The following BEST1 variants were observed in gnomAD, a reference collection of about 807,000 sequenced individuals.
BEST1 encodes the protein bestrophin-1.
Under a neutral mutation model 63.3 loss-of-function variants are expected in BEST1, and 58 were observed. The ratio of observed to expected loss-of-function variants is 0.92; its 90% CI spans 0.74 to 1.14. The LOEUF is 1.14. Among genes scored for constraint, BEST1 ranks in the 50% most tolerant of loss-of-function variants. The pLI is 0.00. For synonymous variants in BEST1, 283 were observed against 291.6 expected (o/e 0.97, Z 0.30); for missense variants, 671 against 740.1 (o/e 0.91, Z 1.08).
rs981040485 is a variant in BEST1 at position 61,960,383 on chromosome 11, CTTTTT to C, written c.1100+341_1100+345del. On this transcript the variant is annotated intron_variant, in intron 9 of 10. Transcript: ENST00000378043. The stretch of plus-strand genomic sequence containing the variant: ...GTCATCCAGAACTATGTTTTCTTTT[CTTTTT>C]GAGACAGTATCTCGCTCTGTCGCCC... The C allele has an allele frequency of 3.9e-5, 15 of 384,100 alleles. 1 individual carries two copies. Among genetic ancestry groups the C allele is most frequent in the Middle Eastern group, 1.6e-3 (2 of 1,250 alleles). The allele number at this position is 384,100 out of a possible 1,614,324, so 23.8% of individuals were successfully genotyped here. A position where few individuals can be genotyped will look rare whatever the true frequency, so the allele number is the denominator to read the frequency against.
At chr11:61,955,266 A>T in intron 3 of BEST1, 65 bp downstream of exon 3, 4 of 1,351,014 alleles carry the variant, frequency 3.0e-6, no homozygotes, top group Middle Eastern at 2.1e-4. Flanking sequence ...AGGCCAGGGG[A>T]GGATCACGAG....
At chr11:61,955,270 T>C in intron 3 of BEST1, 69 bp downstream of exon 3, 4 of 1,543,152 alleles carry the variant, frequency 2.6e-6, no homozygotes, top group African/African-American at 1.4e-5. Context: ...CAGGGGAGGA[T>C]CACGAGGAGC....
In BEST1 at chr11:61,951,839, T is replaced by C. The variant is rs281865531; in HGVS notation, c.33T>C (p.Asn11=). The C allele has an allele frequency of 7.4e-6, 12 of 1,613,454 alleles. No homozygotes were observed. The African/African-American group carries it at 1.3e-4, about 18-fold the overall frequency. The change falls in exon 2 of 11, where the codon AAT becomes AAC. Residue 11 remains asparagine, a synonymous_variant. Coordinates refer to ENST00000378043, the MANE Select transcript of BEST1 (RefSeq NM_004183.4). MTITYTSQVA[N]ARLGSFSRLL... ...TCACTTACACAAGCCAAGTGGCTAA[T>C]GCCCGCTTAGGCTCCTTCTCCCGCC...
chr11:61,952,060 C>T (rs1277020946), intron 2 of BEST1, 102 bp downstream of exon 2: 1 of 1,387,142 alleles, frequency 7.2e-7, no homozygotes, highest in Admixed American at 1.7e-5. Flanking sequence ...TGTACCAGTT[C>T]ACTACAAGAC....
chr11:61,958,241 C>T lies in BEST1; in HGVS notation c.810C>T (p.Asp270=), dbSNP rs771924494. The T allele has an allele frequency of 1.2e-6, 2 of 1,614,200 alleles. No homozygotes were observed. Among genetic ancestry groups the T allele is most frequent in the Non-Finnish European group, 1.7e-6 (2 of 1,180,032 alleles). Residue 270 remains aspartate, a synonymous_variant, in exon 7 of 11, where the codon GAC becomes GAT. Transcript: ENST00000378043. ...AGGCCTACCCTGGCCATGAGCTGGA[C>T]CTCGTTGTGCCCGTCTTCACGTTCC... ...PAKAYPGHEL[D]LVVPVFTFLQ...
intron 2 of BEST1, among the ~76,000 whole-genome samples, chr11:61,952,812 A>C (rs1363681721): frequency 1.3e-5 from 2 of 152,052 alleles, no homozygotes; most frequent in African/African-American, 4.8e-5. Flanking sequence ...TTTTTAATTA[A>C]AATGTTTATC....
chr11:61,955,357 T>C (rs1445985219), intron 3 of BEST1, 156 bp downstream of exon 3: 2 of 1,497,456 alleles, frequency 1.3e-6, no homozygotes, highest in Non-Finnish European at 1.8e-6. Context: ...AGGTGCGGAC[T>C]GCAGCCAGTG....
Position 61,962,830 on chromosome 11 carries a change from C to T in BEST1, c.1676C>T (p.Ser559Leu). 2 of 1,614,216 alleles carry T rather than the reference C, an allele frequency of 1.2e-6. No individual in the cohort carries two copies. Among genetic ancestry groups the T allele is most frequent in the Non-Finnish European group, 1.7e-6 (2 of 1,180,032 alleles). ...CACCTCAAAGAACCTTTGGAACAAT[C>T]ACCAACCAACATACACACTACACTC... ...ENHLKEPLEQ[S>L]PTNIHTTLKD... Residue 559 changes from serine (S) to leucine (L), a missense_variant, in exon 10 of 11, where the codon TCA (serine) becomes TTA (leucine). Ser to Leu is a moderately radical substitution (Grantham distance 145). Coordinates refer to ENST00000378043, the MANE Select transcript of BEST1 (RefSeq NM_004183.4).
At position 61,951,956 on chromosome 11, in the gene BEST1, T is replaced by C. The variant is rs763141918; in HGVS notation, c.150T>C (p.Tyr50=). Residue 50 remains tyrosine (Y), a splice_region_variant and synonymous_variant, in exon 2 of 11, where the codon TAT becomes TAC. Transcript: ENST00000378043. ...GCTACTACATCATCCGCTTTATTTA[T>C]AGGTAAAGCTGGCAGGGCTGGGCCG... ...LLCYYIIRFI[Y]RLALTEEQQL... is the part of the protein sequence containing the mutation. The C allele has an allele frequency of 9.9e-6, 16 of 1,613,416 alleles. No homozygotes were observed. The highest frequency in any genetic ancestry group is 7.7e-5 in the South Asian group (7 of 91,040).
intron 3 of BEST1, 196 bp from the exon 4 acceptor site, chr11:61,955,503 GCAGGGGGACCCCCGGGTGA>G: frequency 9.1e-7 from 1 of 1,103,200 alleles, no homozygotes; most frequent in Non-Finnish European, 1.3e-6. Context: ...TCTGGGACCA[GCAGGGGGACCCCCGGGTGA>G]CAGAACCCTT....
chr11:61,959,973 C>G lies in BEST1; in HGVS notation c.1030C>G (p.Gln344Glu). The G allele has an allele frequency of 6.2e-7, 1 of 1,612,692 alleles. No individual in the cohort carries two copies. Among genetic ancestry groups the G allele is most frequent in the Non-Finnish European group, 8.5e-7 (1 of 1,179,476 alleles). ...PDMYWNKPEP[Q>E]PPYTAASAQF... ...CATGTACTGGAATAAGCCCGAGCCA[C>G]AGCCCCCCTACACAGCTGCTTCCGC... Residue 344 changes from glutamine to glutamate, a missense_variant, in exon 9 of 11, where the codon CAG becomes GAG. Coordinates refer to ENST00000378043, the MANE Select transcript of BEST1 (RefSeq NM_004183.4).
At chr11:61,952,500 C>CCAT (rs1235161990) in intron 2 of BEST1, among the ~76,000 whole-genome samples, 6 of 138,882 alleles carry the variant, frequency 4.3e-5, no homozygotes, top group Admixed American at 1.5e-4. Flanking sequence ...GGGTTTCACT[C>CCAT]CATCACCCAG....
At chr11:61,951,672 T>A in intron 1 of BEST1, 99 bp from the exon 2 acceptor site, 1 of 1,251,862 alleles carries the variant, frequency 8.0e-7, no homozygotes, top group Non-Finnish European at 1.1e-6. Flanking sequence ...CTAGGGTCCC[T>A]ATGGGAGAGT....
At chr11:61,956,161 C>G (rs114450910) in intron 4 of BEST1, among the ~76,000 whole-genome samples, 1 of 151,992 alleles carries the variant, frequency 6.6e-6, no homozygotes, top group Non-Finnish European at 1.5e-5. Flanking sequence ...GCCCACCCTC[C>G]GAGAGTAGGA....
In BEST1 at chr11:61,959,623, G is replaced by A. The variant is rs919517030; in HGVS notation, c.948+45G>A. ...AACCATACCATGGACCTTCCCCAAAGTGGACCCAAAGAGAGGACCCCACTG... is the reference window on the plus strand; with the variant it reads ...AACCATACCATGGACCTTCCCCAAAATGGACCCAAAGAGAGGACCCCACTG... On this transcript the variant is annotated intron_variant, in intron 8 of 10. Coordinates refer to ENST00000378043, the MANE Select transcript of BEST1 (RefSeq NM_004183.4). The A allele has an allele frequency of 7.7e-5, 123 of 1,605,600 alleles. No individual in the cohort carries two copies. The East Asian group carries it at 2.7e-3, about 36-fold the overall frequency.
chr11:61,953,659 G>A (rs1334350916), intron 2 of BEST1, among the ~76,000 whole-genome samples: 2 of 152,108 alleles, frequency 1.3e-5, no homozygotes, highest in African/African-American at 2.4e-5. Flanking sequence ...GCAGTGAGCC[G>A]AGACCATGCC....
At position 61,955,089 on chromosome 11, in the gene BEST1, C is replaced by A. The variant is rs568192399; in HGVS notation, c.153-18C>A. 11 of 1,501,082 alleles carry A rather than the reference C, an allele frequency of 7.3e-6. No individual in the cohort carries two copies. The highest frequency in any genetic ancestry group is 1.7e-4 in the Middle Eastern group (1 of 5,854). 93.0% of individuals were successfully genotyped at this position (1,501,082 alleles called of 1,614,324 possible). ...CCTCGCTGCGTCCACACAATTCCAC[C>A]CCCACCCCCACCCCCAGGCTGGCCC... On this transcript the variant is annotated intron_variant, in intron 2 of 10. Transcript: ENST00000378043.
At chr11:61,951,696 A>AG (rs1940674487) in intron 1 of BEST1, 75 bp from the exon 2 acceptor site, 1 of 1,461,434 alleles carries the variant, frequency 6.8e-7, no homozygotes, top group African/African-American at 1.4e-5. Flanking sequence ...GGTCCAGAGC[A>AG]GGGAAGGGTC....
In BEST1 at chr11:61,964,268, T is replaced by C. The variant is rs902156678; in HGVS notation, c.*146T>C. 3.0e-5 allele frequency: 44 copies of C among 1,477,634 alleles called. No homozygotes were observed. In the Admixed American group the frequency reaches 9.6e-4, roughly 32 times the overall value. The allele number at this position is 1,477,634 out of a possible 1,614,324, so 91.5% of individuals were successfully genotyped here. ...TGAATCAAATGGTTAGCTTAATAGA[T>C]AAAAATCCCAGACTACTTCAGCCTT... On this transcript the variant is annotated 3_prime_UTR_variant, in exon 11 of 11. Coordinates refer to ENST00000378043, the MANE Select transcript of BEST1 (RefSeq NM_004183.4).
Sources: allele counts gnomAD v4.1 joint callset (sites outside exome capture counted in the v4.1 genomes callset), GRCh38; gene constraint gnomAD v4.1.1; transcripts MANE v1.5; gene names NCBI Gene and HGNC (gene_info 2026-07-23, HGNC 2026-07-21).